The following WDFY3 variants were observed in gnomAD, a reference collection of about 807,000 sequenced individuals.
The protein encoded by WDFY3 is WD repeat and FYVE domain containing 3.
A neutral mutation model predicts 409.6 loss-of-function variants in WDFY3; 66 were observed. The observed-to-expected ratio is 0.16, with a 90% confidence interval of 0.13 to 0.20. The LOEUF (loss-of-function observed/expected upper bound fraction) is 0.20. WDFY3 is among the 10% of genes least tolerant of loss of function. The probability of loss-of-function intolerance (pLI) is 1.00; values close to 1 mark genes in which losing one functional copy is unlikely to be tolerated. For missense variants in WDFY3, 3,031 were observed against 4,298.1 expected (o/e 0.71, Z 8.24); for synonymous variants, 1,521 against 1,537.1 (o/e 0.99, Z 0.25).
chr4:84,714,621 G>T (rs1014936103), intron 50 of WDFY3, among the ~76,000 whole-genome samples: 1 of 152,058 alleles, frequency 6.6e-6, no homozygotes, highest in African/African-American at 2.4e-5. Flanking sequence ...CTTCATTTTG[G>T]TAAATACAAA....
intron 5 of WDFY3, among the ~76,000 whole-genome samples, chr4:84,842,463 T>C (rs1441817089): frequency 2.1e-4 from 28 of 133,010 alleles, no homozygotes; most frequent in Middle Eastern, 5.2e-3. Flanking sequence ...GGCAACAGAG[T>C]GAGACTCTGT....
chr4:84,949,365 C>A (rs981409563), intron 1 of WDFY3, among the ~76,000 whole-genome samples: 1 of 152,210 alleles, frequency 6.6e-6, no homozygotes, highest in East Asian at 1.9e-4. Flanking sequence ...CACATTTACA[C>A]GCCCAAATTT....
At chr4:84,880,724 T>C (rs1236407188) in intron 3 of WDFY3, among the ~76,000 whole-genome samples, 1 of 102,482 alleles carries the variant, frequency 9.8e-6, no homozygotes. Context: ...TATATATATA[T>C]ATGTTTTTTT....
Position 84,751,711 on chromosome 4 carries a change from A to G in WDFY3, c.5745T>C (p.Thr1915=). ...GAGATCCAACTTCATCATCAAGGTC[A>G]GTCACCTAGTAAAATCAAGTGGAAA... is the stretch of plus-strand genomic sequence containing the variant. ...FNIRPYSEMV[T]DLDDEVGSPA... The change falls in exon 36 of 68, where the codon ACT becomes ACC. Residue 1915 remains threonine (T), a synonymous_variant. Coordinates refer to ENST00000295888, the MANE Select transcript of WDFY3 (RefSeq NM_014991.6). The G allele has an allele frequency of 6.2e-7, 1 of 1,614,184 alleles. No homozygotes were observed. Among genetic ancestry groups the G allele is most frequent in the East Asian group, 2.2e-5 (1 of 44,872 alleles).
At chr4:84,698,924 G>T (rs1730604809) in intron 56 of WDFY3, among the ~76,000 whole-genome samples, 1 of 152,158 alleles carries the variant, frequency 6.6e-6, no homozygotes, top group African/African-American at 2.4e-5. Context: ...TTGGCCTCAA[G>T]CAATCTGCCC....
chr4:84,891,926 A>G (rs1765008952), intron 3 of WDFY3, among the ~76,000 whole-genome samples: 1 of 152,176 alleles, frequency 6.6e-6, no homozygotes, highest in Non-Finnish European at 1.5e-5. Flanking sequence ...TTCAGTTCAC[A>G]TCAGTAATAG....
chr4:84,678,897 T>C, intron 65 of WDFY3, 22 bp downstream of exon 65: 1 of 1,595,024 alleles, frequency 6.3e-7, no homozygotes, highest in Non-Finnish European at 8.5e-7. Context: ...GAGTGAGAAA[T>C]AGATACCAGA....
intron 2 of WDFY3, among the ~76,000 whole-genome samples, chr4:84,897,758 A>T (rs1158490384): frequency 6.6e-6 from 1 of 152,220 alleles, no homozygotes; most frequent in African/African-American, 2.4e-5. Context: ...CTCAATAGGT[A>T]TTCACCTCAC....
chr4:84,931,644 A>G (rs907378396), intron 2 of WDFY3, among the ~76,000 whole-genome samples: 2 of 152,196 alleles, frequency 1.3e-5, no homozygotes, highest in Non-Finnish European at 2.9e-5. Context: ...GGACACTCCA[A>G]AAGTTTTCCC....
chr4:84,961,808 G>A (rs1333135631), intron 1 of WDFY3, among the ~76,000 whole-genome samples: 3 of 152,150 alleles, frequency 2.0e-5, no homozygotes, highest in Non-Finnish European at 4.4e-5. Context: ...TGATAAAGAT[G>A]TAAAGCAACT....
At chr4:84,907,134 G>C (rs1368180389) in intron 2 of WDFY3, among the ~76,000 whole-genome samples, 1 of 152,024 alleles carries the variant, frequency 6.6e-6, no homozygotes, top group African/African-American at 2.4e-5. Context: ...ATTTTGGTCA[G>C]GTCCAAGGGA....
chr4:84,705,496 T>C lies in WDFY3; in HGVS notation c.8233A>G (p.Asn2745Asp), dbSNP rs534066568. 43 of 1,613,860 alleles carry C rather than the reference T, an allele frequency of 2.7e-5. No homozygotes were observed. The highest frequency in any genetic ancestry group is 2.1e-4 in the South Asian group (19 of 91,028). The change falls in exon 54 of 68, where the codon AAT (asparagine) becomes GAT (aspartate). Residue 2745 changes from asparagine (N) to aspartate (D), a missense_variant. Coordinates refer to ENST00000295888, the MANE Select transcript of WDFY3 (RefSeq NM_014991.6). Reference protein sequence around the residue: ...DYDSEEVDLTNPKTFRNLAKP... With the variant: ...DYDSEEVDLTDPKTFRNLAKP... The stretch of plus-strand genomic sequence containing the variant: ...GCCAGGTTTCTAAACGTCTTGGGAT[T>C]AGTAAGATCCACCTCCTAAAATACA...
chr4:84,681,714 G>T (rs957234609), intron 64 of WDFY3, among the ~76,000 whole-genome samples: 6 of 152,178 alleles, frequency 3.9e-5, no homozygotes, highest in Non-Finnish European at 1.5e-5. Context: ...TTTCCAGGAA[G>T]TTCCACTGTT....
intron 2 of WDFY3, among the ~76,000 whole-genome samples, chr4:84,914,540 G>A (rs947536952): frequency 6.6e-6 from 1 of 152,170 alleles, no homozygotes; most frequent in Non-Finnish European, 1.5e-5. Context: ...TAAGCCCTGA[G>A]TTGCTCAAGG....
rs533401764 is a variant in WDFY3 at position 84,896,963 on chromosome 4, C to T, written c.-84G>A. Reference sequence around the variant, plus strand: ...TCTGAATGTGTGAGCACAATAGGGCCCATTCGCTTGAAGGTATTTTACTCA... The same window carrying T: ...TCTGAATGTGTGAGCACAATAGGGCTCATTCGCTTGAAGGTATTTTACTCA... On this transcript the variant is annotated 5_prime_UTR_variant, in exon 3 of 68. Transcript: ENST00000295888. The T allele has an allele frequency of 2.0e-5, 3 of 152,230 alleles. No homozygotes were observed. In the South Asian group the frequency reaches 6.2e-4, roughly 32 times the overall value. The allele number at this position is 152,230 out of a possible 1,614,324, so 9.4% of individuals were successfully genotyped here.
intron 1 of WDFY3, among the ~76,000 whole-genome samples, chr4:84,933,783 C>A (rs1057352563): frequency 3.9e-5 from 6 of 152,066 alleles, no homozygotes; most frequent in African/African-American, 1.4e-4. Context: ...CAAAGTTTGT[C>A]TTTCTGCACC....
chr4:84,789,649 ACACACACACACACACACACACC>A (rs1748143845), intron 22 of WDFY3, 55 bp downstream of exon 22: 2 of 1,347,770 alleles, frequency 1.5e-6, no homozygotes, highest in Admixed American at 1.9e-5. Context: ...ACACACACAC[ACACACACACACACACACACACC>A]CCCCAAACTA....
chr4:84,859,340 T>C (rs1760221440), intron 4 of WDFY3, among the ~76,000 whole-genome samples: 1 of 152,132 alleles, frequency 6.6e-6, no homozygotes, highest in Non-Finnish European at 1.5e-5. Flanking sequence ...TGTATGTATG[T>C]ATGTATGTAT....
intron 35 of WDFY3, 86 bp downstream of exon 35, chr4:84,753,611 A>C: frequency 1.4e-6 from 2 of 1,400,618 alleles, no homozygotes; most frequent in Non-Finnish European, 1.9e-6. Context: ...AAGACTGTCA[A>C]AAAAAATCTG....
Sources: allele counts gnomAD v4.1 joint callset (sites outside exome capture counted in the v4.1 genomes callset), GRCh38; gene constraint gnomAD v4.1.1; transcripts MANE v1.5; gene names NCBI Gene and HGNC (gene_info 2026-07-23, HGNC 2026-07-21).